AGMO: variants seen among roughly 807,000 people sequenced by gnomAD.
AGMO encodes the protein alkylglycerol monooxygenase.
A neutral mutation model predicts 60.2 loss-of-function variants in AGMO; 75 were observed. That is an observed-to-expected ratio of 1.25 (90% confidence interval 1.03 to 1.51). The LOEUF (loss-of-function observed/expected upper bound fraction) is 1.51. Among genes scored for constraint, AGMO ranks in the 40% most tolerant of loss-of-function variants. The probability of loss-of-function intolerance (pLI) is 0.00; values close to 1 mark genes in which losing one functional copy is unlikely to be tolerated. For missense variants in AGMO, 763 were observed against 525.5 expected, an observed-to-expected ratio of 1.45 and a Z score of -4.42; for synonymous variants, 261 against 177.1, an observed-to-expected ratio of 1.47 and a Z score of -3.76.
At chr7:15,290,032 A>ATT (rs34390987) in intron 12 of AGMO, among the ~76,000 whole-genome samples, 1 of 116,236 alleles carries the variant, frequency 8.6e-6, no homozygotes, top group Non-Finnish European at 1.8e-5. Context: ...CCTTAAGTTG[A>ATT]TTTTTTTTTT....
chr7:15,392,302 C>T (rs1485766614), intron 6 of AGMO, among the ~76,000 whole-genome samples: 1 of 136,464 alleles, frequency 7.3e-6, no homozygotes, highest in Admixed American at 7.2e-5. Flanking sequence ...GTCTTATCTC[C>T]TGACCTCGTG....
chr7:15,432,892 A>T (rs1583547245), intron 3 of AGMO, among the ~76,000 whole-genome samples: 1 of 152,138 alleles, frequency 6.6e-6, no homozygotes, highest in East Asian at 1.9e-4. Context: ...GTGGCACTTT[A>T]TATCTTCAGA....
chr7:15,265,199 A>G (rs1483477426), intron 12 of AGMO, among the ~76,000 whole-genome samples: 1 of 152,094 alleles, frequency 6.6e-6, no homozygotes, highest in Non-Finnish European at 1.5e-5. Context: ...ACCAAATACC[A>G]CATGTTCTCA....
intron 12 of AGMO, among the ~76,000 whole-genome samples, chr7:15,342,801 A>AAAAAAC (rs778682811): frequency 0.018 from 1,894 of 107,898 alleles, 82 homozygotes; most frequent in East Asian, 0.026. Flanking sequence ...AAAAAAAAAA[A>AAAAAAC]AAAATTGATC....
chr7:15,272,464 A>AT (rs897862704), intron 12 of AGMO, among the ~76,000 whole-genome samples: 5 of 151,736 alleles, frequency 3.3e-5, no homozygotes, highest in African/African-American at 9.7e-5. Flanking sequence ...TGAACTCATC[A>AT]TTTTTTATGG....
intron 5 of AGMO, among the ~76,000 whole-genome samples, chr7:15,394,567 GTA>G (rs1784293931): frequency 1.3e-5 from 2 of 152,162 alleles, no homozygotes; most frequent in African/African-American, 4.8e-5. Context: ...GAATGTTACT[GTA>G]TTACACACCA....
At chr7:15,282,798 C>G (rs890604863) in intron 12 of AGMO, among the ~76,000 whole-genome samples, 11 of 152,032 alleles carry the variant, frequency 7.2e-5, no homozygotes, top group Admixed American at 2.0e-4. Flanking sequence ...ATTGGGATTT[C>G]TAAAGTTAAC....
chr7:15,332,930 G>C (rs1271102045), intron 12 of AGMO, among the ~76,000 whole-genome samples: 1 of 151,886 alleles, frequency 6.6e-6, no homozygotes. Context: ...TGCTTCCTGG[G>C]CATATGAAAG....
chr7:15,276,856 G>T (rs187628297), intron 12 of AGMO, among the ~76,000 whole-genome samples: 1 of 142,852 alleles, frequency 7.0e-6, no homozygotes, highest in Admixed American at 6.9e-5. Flanking sequence ...TTCCTTAAGT[G>T]AATTTTTCAT....
intron 12 of AGMO, among the ~76,000 whole-genome samples, chr7:15,231,348 T>G (rs2128499537): frequency 6.6e-6 from 1 of 152,312 alleles, no homozygotes; most frequent in East Asian, 1.9e-4. Context: ...GCTTCTATAC[T>G]TATCTCTCAC....
intron 5 of AGMO, among the ~76,000 whole-genome samples, chr7:15,409,273 C>T (rs1784779646): frequency 6.6e-6 from 1 of 151,910 alleles, no homozygotes; most frequent in African/African-American, 2.4e-5. Flanking sequence ...CTGATCTTGG[C>T]CTTAGCCAAT....
chr7:15,541,414 C>G (rs967230198), intron 3 of AGMO, among the ~76,000 whole-genome samples: 1 of 152,186 alleles, frequency 6.6e-6, no homozygotes, highest in African/African-American at 2.4e-5. Context: ...GCCACTGTGT[C>G]CAGCCTAATG....
chr7:15,178,533 T>C, the AGMO span, among the ~76,000 whole-genome samples: 1 of 152,122 alleles, frequency 6.6e-6, no homozygotes, highest in African/African-American at 2.4e-5. Context: ...AATCAGTGTT[T>C]ATCTTTTGTT....
chr7:15,138,789 A>G, the AGMO span, among the ~76,000 whole-genome samples: 1 of 152,224 alleles, frequency 6.6e-6, no homozygotes, highest in East Asian at 1.9e-4. Flanking sequence ...GAGCCTTTAC[A>G]TAATAAAATA....
the AGMO span, among the ~76,000 whole-genome samples, chr7:15,177,933 T>C: frequency 3.3e-5 from 5 of 152,164 alleles, no homozygotes; most frequent in Non-Finnish European, 7.4e-5. Context: ...CAATAAAAAA[T>C]GTTTGGGACA....
intron 12 of AGMO, among the ~76,000 whole-genome samples, chr7:15,290,817 A>T (rs1784242956): frequency 6.6e-6 from 1 of 152,144 alleles, no homozygotes; most frequent in Non-Finnish European, 1.5e-5. Context: ...GATAGTTAAA[A>T]ACAGGTATTT....
chr7:15,377,231 CA>C (rs1282211179), intron 10 of AGMO, among the ~76,000 whole-genome samples: 4 of 151,986 alleles, frequency 2.6e-5, no homozygotes, highest in Admixed American at 1.3e-4. Flanking sequence ...ATGTTCTCAG[CA>C]AAGAAAAACA....
chr7:15,381,356 A>G (rs1267715873), intron 10 of AGMO, among the ~76,000 whole-genome samples: 2 of 152,088 alleles, frequency 1.3e-5, no homozygotes, highest in African/African-American at 2.4e-5. Context: ...ATCCCATAAA[A>G]AAGTGGGCGA....
intron 2 of AGMO, among the ~76,000 whole-genome samples, chr7:15,545,676 T>A (rs1404136922): frequency 1.3e-5 from 2 of 152,082 alleles, no homozygotes; most frequent in Non-Finnish European, 2.9e-5. Context: ...CTAGAATATA[T>A]CTTGCCATCT....
Sources: allele counts gnomAD v4.1 joint callset (sites outside exome capture counted in the v4.1 genomes callset), GRCh38; gene constraint gnomAD v4.1.1; transcripts MANE v1.5; gene names NCBI Gene and HGNC (gene_info 2026-07-23, HGNC 2026-07-21).